DNAH8: variants seen among roughly 807,000 people sequenced by gnomAD.
The protein encoded by DNAH8 is dynein axonemal heavy chain 8.
DNAH8 carries 382 observed loss-of-function variants against 562.1 expected under a neutral mutation model. That is an observed-to-expected ratio of 0.68 (90% CI 0.63 to 0.74). The LOEUF is 0.74. Among genes scored for constraint, DNAH8 ranks in the 30% least tolerant of loss-of-function variants. The pLI, the probability that DNAH8 is intolerant of heterozygous loss-of-function variation, is 0.00. For missense variants in DNAH8, 5,203 were observed against 5,620.4 expected (o/e 0.93, Z 2.37); for synonymous variants, 1,881 against 1,919.4 (o/e 0.98, Z 0.52).
chr6:38,998,070 T>C (rs532208661), intron 88 of DNAH8, among the ~76,000 whole-genome samples: 65 of 152,334 alleles, frequency 4.3e-4, no homozygotes, highest in African/African-American at 1.6e-3. Flanking sequence ...CACTTGATGA[T>C]AGGCTATAAT....
At chr6:39,024,716 T>G (rs1042695666) in intron 91 of DNAH8, among the ~76,000 whole-genome samples, 8 of 152,178 alleles carry the variant, frequency 5.3e-5, no homozygotes, top group African/African-American at 1.9e-4. Context: ...TCCCCTGAAG[T>G]GACTCCACAC....
intron 43 of DNAH8, among the ~76,000 whole-genome samples, chr6:38,861,949 G>GTTTTTT (rs10677373): frequency 0.022 from 2,908 of 134,594 alleles, 148 homozygotes; most frequent in African/African-American, 0.073. Flanking sequence ...TGAAAACCAG[G>GTTTTTT]TTTTTTTTTT....
chr6:38,848,771 A>G lies in DNAH8; in HGVS notation c.5169A>G (p.Val1723=), dbSNP rs149635351. 86 of 1,613,450 alleles carry G rather than the reference A, an allele frequency of 5.3e-5. No homozygotes were observed. The highest frequency in any genetic ancestry group is 4.0e-4 in the South Asian group (36 of 91,040). ...GGGTTTATCTTGAAGCCGTCTTTGT[A>G]GGTGGAGATATTGCCAAACAGCTGC... is the stretch of plus-strand genomic sequence containing the variant. ...NLWVYLEAVF[V]GGDIAKQLPQ... The change falls in exon 37 of 93, where the codon GTA becomes GTG. Residue 1723 remains valine, a synonymous_variant. Coordinates refer to ENST00000327475, the MANE Select transcript of DNAH8 (RefSeq NM_001206927.2).
chr6:38,791,443 AG>A (rs913465124), intron 20 of DNAH8, 111 bp from the exon 21 acceptor site: 21 of 1,289,752 alleles, frequency 1.6e-5, no homozygotes, highest in Non-Finnish European at 2.1e-5. Flanking sequence ...TCAAGATGCA[AG>A]TTTCTAGACT....
At chr6:38,932,133 C>T in intron 76 of DNAH8, 140 bp downstream of exon 76, 3 of 466,156 alleles carry the variant, frequency 6.4e-6, no homozygotes, top group Non-Finnish European at 1.1e-5. Context: ...TCTTTTGCAG[C>T]CTTAATTCCT....
intron 45 of DNAH8, among the ~76,000 whole-genome samples, chr6:38,865,952 C>T (rs538143664): frequency 1.3e-5 from 2 of 152,334 alleles, no homozygotes; most frequent in South Asian, 4.1e-4. Context: ...GAATCTCCAA[C>T]CTTCCTTTGA....
chr6:38,994,060 C>A (rs890531447), intron 88 of DNAH8, among the ~76,000 whole-genome samples: 17 of 125,318 alleles, frequency 1.4e-4, no homozygotes, highest in African/African-American at 4.4e-4. Flanking sequence ...AGAATCTCAT[C>A]AACAGAGCGC....
At position 38,875,594 on chromosome 6, in the gene DNAH8, C is replaced by T. The variant is rs771169521; in HGVS notation, c.7624C>T (p.Leu2542Phe). The T allele has an allele frequency of 3.2e-6, 5 of 1,539,510 alleles. No individual in the cohort carries two copies. Among genetic ancestry groups the T allele is most frequent in the Non-Finnish European group, 4.4e-6 (5 of 1,135,808 alleles). Residue 2542 changes from leucine (L) to phenylalanine (F), a missense_variant, in exon 53 of 93, where the codon CTC becomes TTC. Leu to Phe is a conservative substitution (Grantham distance 22). Transcript: ENST00000327475. ...LLECNYIVQSLNLLEGLIPSK... is the reference protein window; with the variant it reads ...LLECNYIVQSFNLLEGLIPSK... ...ATTTTATTTGAAACATTTTCAGTCT[C>T]TCAATCTTCTGGAAGGGTTAATTCC...
chr6:38,763,002 A>G (rs969793007), intron 11 of DNAH8: 22 of 402,438 alleles, frequency 5.5e-5, no homozygotes, highest in African/African-American at 8.6e-5. Flanking sequence ...GGACTTAGCC[A>G]TGTAAGATAC....
At position 38,756,081 on chromosome 6, in the gene DNAH8, T is replaced by C. The variant is rs772554926; in HGVS notation, c.1515+2T>C. 3 of 1,529,330 alleles carry C rather than the reference T, an allele frequency of 2.0e-6. No homozygotes were observed. The South Asian group carries it at 3.4e-5, about 17-fold the overall frequency. 94.7% of individuals were successfully genotyped at this position (1,529,330 alleles called of 1,614,324 possible). On this transcript the variant is annotated splice_donor_variant, in intron 10 of 92. Coordinates refer to ENST00000327475, the MANE Select transcript of DNAH8 (RefSeq NM_001206927.2). LOFTEE classifies it high-confidence loss of function. ...AGAATGACCTCATTGTTTATCAAGGTAAGTTTCTGTGGGAGGAAATTACAT... is the reference window on the plus strand; with the variant it reads ...AGAATGACCTCATTGTTTATCAAGGCAAGTTTCTGTGGGAGGAAATTACAT...
At chr6:38,725,141 A>G (rs1763102001) in intron 3 of DNAH8, among the ~76,000 whole-genome samples, 1 of 151,804 alleles carries the variant, frequency 6.6e-6, no homozygotes, top group Non-Finnish European at 1.5e-5. Context: ...TGTCTCTACT[A>G]AAAATACAAA....
At chr6:38,773,859 A>G (rs1042577223) in intron 12 of DNAH8, among the ~76,000 whole-genome samples, 17 of 152,216 alleles carry the variant, frequency 1.1e-4, no homozygotes, top group African/African-American at 3.9e-4. Context: ...ACAAGTGTGC[A>G]CTAAGAGCCT....
chr6:38,944,889 C>A (rs1028931789), intron 79 of DNAH8, among the ~76,000 whole-genome samples: 1 of 151,982 alleles, frequency 6.6e-6, no homozygotes, highest in Non-Finnish European at 1.5e-5. Context: ...TCCTCCTTCA[C>A]TTCCTTCTTT....
rs369909576 is a variant in DNAH8 at position 38,811,924 on chromosome 6, G to T, written c.3258-2130G>T. Among the ~76,000 whole-genome samples, 3 of 152,172 alleles carry T rather than the reference G, an allele frequency of 2.0e-5. No homozygotes were observed. In the South Asian group the frequency reaches 6.2e-4, roughly 32 times the overall value. ...TGGAGAGATACTGGGGGTATGGCAG[G>T]TTTGGCTAGGGAGCACACGGGTAGC... is the stretch of plus-strand genomic sequence containing the variant. On this transcript the variant is annotated intron_variant, in intron 24 of 92. Coordinates refer to ENST00000327475, the MANE Select transcript of DNAH8 (RefSeq NM_001206927.2).
intron 91 of DNAH8, among the ~76,000 whole-genome samples, chr6:39,022,417 C>T (rs2150792088): frequency 6.6e-6 from 1 of 152,294 alleles, no homozygotes; most frequent in South Asian, 2.1e-4. Context: ...CTGATATCAG[C>T]CTATAACCAA....
chr6:38,921,871 CAG>C (rs367727456), intron 71 of DNAH8, among the ~76,000 whole-genome samples: 402 of 151,960 alleles, frequency 2.6e-3, no homozygotes, highest in African/African-American at 5.3e-3. Flanking sequence ...CGAAGGGAGA[CAG>C]GGGTGGGGCC....
Position 38,860,617 on chromosome 6 carries a change from C to T in DNAH8, c.6119C>T (p.Pro2040Leu). The stretch of plus-strand genomic sequence containing the variant: ...TGTACTGATCGTCTTGTTATCACTC[C>T]ATTAACAGATAGGTAGGAAACCCAG... ...LGCTDRLVIT[P>L]LTDRCYITLA... Residue 2040 changes from proline to leucine, a missense_variant, in exon 43 of 93, where the codon CCA (proline) becomes CTA (leucine). By Grantham distance (98) the Pro-to-Leu change is moderately conservative. Around this residue, in one of 6 missense-constraint regions of DNAH8, gnomAD observed 2,176 missense variants for 2,365.1 expected, o/e 0.92. Transcript: ENST00000327475. 1 of 1,528,292 alleles carries T rather than the reference C, an allele frequency of 6.5e-7. No homozygotes were observed. The highest frequency in any genetic ancestry group is 8.7e-7 in the Non-Finnish European group (1 of 1,148,716). 94.7% of individuals were successfully genotyped at this position (1,528,292 alleles called of 1,614,324 possible). A position where few individuals can be genotyped will look rare whatever the true frequency, so the allele number is the denominator to read the frequency against.
chr6:38,788,427 G>A (rs1171109672), intron 18 of DNAH8, among the ~76,000 whole-genome samples: 3 of 152,194 alleles, frequency 2.0e-5, no homozygotes, highest in African/African-American at 7.2e-5. Flanking sequence ...TGGGATTACA[G>A]GCCTGAGCCA....
intron 91 of DNAH8, 30 bp from the exon 92 acceptor site, chr6:39,026,516 G>A (rs988008056): frequency 6.3e-7 from 1 of 1,589,554 alleles, no homozygotes; most frequent in East Asian, 2.2e-5. Context: ...TTGCAACAAG[G>A]CTTCAACATC....
Sources: allele counts gnomAD v4.1 joint callset (sites outside exome capture counted in the v4.1 genomes callset), GRCh38; gene constraint gnomAD v4.1.1; regional missense constraint gnomAD v4.1.1; transcripts MANE v1.5; gene names NCBI Gene and HGNC (gene_info 2026-07-23, HGNC 2026-07-21).